PCDHA1: variants seen among roughly 807,000 people sequenced by gnomAD.
PCDHA1 encodes protocadherin alpha-1.
Under a neutral mutation model 61.3 loss-of-function variants are expected in PCDHA1, and 42 were observed. The observed-to-expected ratio is 0.69, with a 90% confidence interval of 0.54 to 0.89. The LOEUF (loss-of-function observed/expected upper bound fraction) is 0.89. Among genes scored for constraint, PCDHA1 ranks in the 40% least tolerant of loss-of-function variants. The probability of loss-of-function intolerance (pLI) is 0.00; values close to 1 mark genes in which losing one functional copy is unlikely to be tolerated. For missense variants in PCDHA1, 1,256 were observed against 1,235.3 expected, an observed-to-expected ratio of 1.02 and a Z score of -0.25; for synonymous variants, 610 against 553.8, an observed-to-expected ratio of 1.10 and a Z score of -1.43.
intron 1 of PCDHA1, chr5:140,823,711 C>A: frequency 1.9e-6 from 3 of 1,613,966 alleles, no homozygotes; most frequent in Non-Finnish European, 2.5e-6. Context: ...GCGCCACCGC[C>A]TTCTGGTGCT....
At chr5:141,002,589 TC>T (rs1157810975) in intron 3 of PCDHA1, among the ~76,000 whole-genome samples, 1 of 152,140 alleles carries the variant, frequency 6.6e-6, no homozygotes, top group African/African-American at 2.4e-5. Context: ...TAGTCCTTAG[TC>T]CCCTCATCTA....
intron 1 of PCDHA1, chr5:140,843,791 A>G (rs2150366777): frequency 7.3e-7 from 1 of 1,376,400 alleles, no homozygotes; most frequent in Admixed American, 2.2e-5. Flanking sequence ...TTTCAGATTT[A>G]GTTTTTCACC....
intron 1 of PCDHA1, chr5:140,843,324 C>T: frequency 6.3e-7 from 1 of 1,596,010 alleles, no homozygotes; most frequent in Non-Finnish European, 8.6e-7. Flanking sequence ...GTTCTGGTGT[C>T]GCTGGTGGAG....
chr5:140,884,335 A>G, intron 1 of PCDHA1: 1 of 1,613,888 alleles, frequency 6.2e-7, no homozygotes, highest in Non-Finnish European at 8.5e-7. Flanking sequence ...CTGTGGGTCC[A>G]GAAGCGGCGC....
intron 1 of PCDHA1, among the ~76,000 whole-genome samples, chr5:140,827,171 A>G (rs1444292153): frequency 1.3e-5 from 2 of 152,212 alleles, no homozygotes; most frequent in African/African-American, 4.8e-5. Context: ...AAATACCTCA[A>G]TAAAAGTCTT....
rs200196783 is a variant in PCDHA1 at position 140,849,807 on chromosome 5, A to C, written c.2394+61123A>C. On this transcript the variant is annotated intron_variant, in intron 1 of 3. Transcript: ENST00000504120. The stretch of plus-strand genomic sequence containing the variant: ...CGGGGGCTCGCCTTCACTGTGGGCC[A>C]CGGCCAGGGTGTCTGTGGAGGTGGC... 5.4e-5 allele frequency: 86 copies of C among 1,598,400 alleles called. 9 individuals are homozygous for C. The highest frequency in any genetic ancestry group is 6.8e-5 in the Non-Finnish European group (80 of 1,167,954).
At position 140,824,079 on chromosome 5, in the gene PCDHA1, C is replaced by T. The variant is rs149846106; in HGVS notation, c.2394+35395C>T. ...GGGAAGCTCCACCCAAAACAGACCT[C>T]ATGGCCTTCAGTCCAAGCCTTCCTC... is the stretch of plus-strand genomic sequence containing the variant. On this transcript the variant is annotated intron_variant, in intron 1 of 3. Transcript: ENST00000504120. 4.4e-5 allele frequency: 71 copies of T among 1,614,220 alleles called. No individual in the cohort carries two copies. The South Asian group carries it at 7.6e-4, about 17-fold the overall frequency.
intron 1 of PCDHA1, among the ~76,000 whole-genome samples, chr5:140,833,925 A>T (rs2150212105): frequency 0.49 from 75,044 of 151,918 alleles, 18,888 homozygotes; most frequent in Middle Eastern, 0.62. Flanking sequence ...GTTTAAATTC[A>T]TGTTGTCACT....
At chr5:140,850,010 G>C in intron 1 of PCDHA1, 1 of 1,597,002 alleles carries the variant, frequency 6.3e-7, no homozygotes. Flanking sequence ...GCTCGCTGTC[G>C]AGCTACGTGT....
chr5:140,935,157 A>G (rs982054485), intron 1 of PCDHA1, among the ~76,000 whole-genome samples: 1 of 152,214 alleles, frequency 6.6e-6, no homozygotes, highest in Non-Finnish European at 1.5e-5. Context: ...TATAATCTCA[A>G]CAACAGGTGT....
chr5:140,795,917 T>G (rs965421102), intron 1 of PCDHA1: 2 of 1,613,832 alleles, frequency 1.2e-6, no homozygotes, highest in Non-Finnish European at 1.7e-6. Flanking sequence ...TCCTACGAGA[T>G]TCAGGTCACT....
chr5:140,876,536 TG>T (rs781943442), intron 1 of PCDHA1: 1 of 1,614,238 alleles, frequency 6.2e-7, no homozygotes, highest in South Asian at 1.1e-5. Flanking sequence ...GTTACTTCAC[TG>T]TCGCTCCCTG....
chr5:140,801,884 G>T, intron 1 of PCDHA1: 1 of 1,614,184 alleles, frequency 6.2e-7, no homozygotes, highest in Non-Finnish European at 8.5e-7. Flanking sequence ...CTCAACTAAA[G>T]ATCACTGTTT....
chr5:140,859,907 T>G (rs982789282), intron 1 of PCDHA1: 3 of 150,386 alleles, frequency 2.0e-5, no homozygotes, highest in African/African-American at 5.0e-5. Context: ...CCTTAATGTC[T>G]TATATTATAA....
At chr5:140,929,555 C>A in intron 1 of PCDHA1, 1 of 485,752 alleles carries the variant, frequency 2.1e-6, no homozygotes, top group Non-Finnish European at 3.5e-6. Context: ...AAATTAAAAC[C>A]TATTTAAGAA....
intron 1 of PCDHA1, among the ~76,000 whole-genome samples, chr5:140,798,006 C>T (rs1362801345): frequency 1.3e-5 from 2 of 152,134 alleles, no homozygotes; most frequent in Non-Finnish European, 2.9e-5. Flanking sequence ...GCGCCCACCA[C>T]CACGCCCGGC....
intron 1 of PCDHA1, among the ~76,000 whole-genome samples, chr5:140,839,337 T>C (rs1776156207): frequency 6.6e-6 from 1 of 151,424 alleles, no homozygotes; most frequent in Non-Finnish European, 1.5e-5. Context: ...CTGAAGTTGA[T>C]AGGGGATCCT....
At chr5:140,913,619 G>A (rs188632685) in intron 1 of PCDHA1, among the ~76,000 whole-genome samples, 1 of 151,848 alleles carries the variant, frequency 6.6e-6, no homozygotes, top group Non-Finnish European at 1.5e-5. Context: ...TACTAATTTT[G>A]GATTCAGTTT....
At position 141,012,035 on chromosome 5, in the gene PCDHA1, G is replaced by A. The variant is rs908623831; in HGVS notation, c.*2098G>A. The A allele has an allele frequency of 1.3e-5, 2 of 153,684 alleles. No individual in the cohort carries two copies. The highest frequency in any genetic ancestry group is 2.9e-5 in the Non-Finnish European group (2 of 68,026). The allele number at this position is 153,684 out of a possible 1,614,324, so 9.5% of individuals were successfully genotyped here. A position where few individuals can be genotyped will look rare whatever the true frequency, so the allele number is the denominator to read the frequency against. On this transcript the variant is annotated 3_prime_UTR_variant, in exon 4 of 4. Coordinates refer to ENST00000504120, the MANE Select transcript of PCDHA1 (RefSeq NM_018900.4). The stretch of plus-strand genomic sequence containing the variant: ...TGTGTAACTTCAGCTCTGCAGGATT[G>A]CATGGGGTAAAACTTGTTACCAACA...
Sources: allele counts gnomAD v4.1 joint callset (sites outside exome capture counted in the v4.1 genomes callset), GRCh38; gene constraint gnomAD v4.1.1; transcripts MANE v1.5; gene names NCBI Gene and HGNC (gene_info 2026-07-23, HGNC 2026-07-21).